The following ACOX3 variants were observed in gnomAD, a reference collection of about 807,000 sequenced individuals.
The protein encoded by ACOX3 is acyl-CoA oxidase 3, pristanoyl.
In ACOX3, 73 loss-of-function variants were observed where a neutral mutation model predicts 81.5. That is an observed-to-expected ratio of 0.90 (90% confidence interval 0.74 to 1.09). The LOEUF (loss-of-function observed/expected upper bound fraction) is 1.09, where lower values mean the gene tolerates loss of function less well. Among genes scored for constraint, ACOX3 ranks in the 50% least tolerant of loss-of-function variants. The pLI is 0.00. For synonymous variants in ACOX3, 387 were observed against 375.1 expected (o/e 1.03, Z -0.37); for missense variants, 947 against 928.0 (o/e 1.02, Z -0.27).
chr4:8,398,951 C>T (rs1309047981), intron 8 of ACOX3, among the ~76,000 whole-genome samples: 2 of 152,154 alleles, frequency 1.3e-5, no homozygotes, highest in Admixed American at 6.5e-5. Flanking sequence ...TGTTGCTGTT[C>T]CCACTCTGCG....
At position 8,394,836 on chromosome 4, in the gene ACOX3, G is replaced by T. The variant is rs142055526; in HGVS notation, c.1057-94C>A. 4 of 1,483,476 alleles carry T rather than the reference G, an allele frequency of 2.7e-6. No individual in the cohort carries two copies. Among genetic ancestry groups the T allele is most frequent in the Non-Finnish European group, 3.6e-6 (4 of 1,106,746 alleles). 91.9% of individuals were successfully genotyped at this position (1,483,476 alleles called of 1,614,324 possible). ...ATGAAAGCCAGTGCAGGGAGAGGCC[G>T]TCAGGGCCACACACCCACTAGCGCT... On this transcript the variant is annotated intron_variant, in intron 9 of 17. Transcript: ENST00000356406. The surrounding 1 kb of genome is among the most constrained non-coding windows in gnomAD (Gnocchi z 5.9).
rs1722247048 is a variant in ACOX3 at position 8,415,659 on chromosome 4, G to A, written c.378+107C>T. Reference sequence around the variant, plus strand: ...ATTTTTAAAATTTGCAAATATAGCTGGACAAACTGGTGTTTCTCTGCCTCT... The same window carrying A: ...ATTTTTAAAATTTGCAAATATAGCTAGACAAACTGGTGTTTCTCTGCCTCT... On this transcript the variant is annotated intron_variant, in intron 3 of 17. Transcript: ENST00000356406. 5.4e-6 allele frequency: 5 copies of A among 930,684 alleles called. No homozygotes were observed. In the South Asian group the frequency reaches 8.3e-5, roughly 15 times the overall value. 57.7% of individuals were successfully genotyped at this position (930,684 alleles called of 1,614,324 possible).
intron 9 of ACOX3, among the ~76,000 whole-genome samples, chr4:8,395,369 C>T (rs1265095596): frequency 1.6e-5 from 1 of 64,026 alleles, no homozygotes; most frequent in Admixed American, 2.1e-4. Context: ...GATGCGTGGA[C>T]AGGTGGGGGG....
At chr4:8,374,887 G>C in intron 15 of ACOX3, 91 bp downstream of exon 15, 1 of 1,363,412 alleles carries the variant, frequency 7.3e-7, no homozygotes, top group African/African-American at 1.5e-5. Flanking sequence ...TCCCGTGGAA[G>C]GAGGACGATG....
intron 7 of ACOX3, among the ~76,000 whole-genome samples, chr4:8,402,521 T>C (rs1389267003): frequency 1.3e-5 from 2 of 152,056 alleles, no homozygotes; most frequent in Non-Finnish European, 2.9e-5. Flanking sequence ...TTTTAAGGAG[T>C]GGAAATTATT....
At chr4:8,409,838 T>G (rs913966226) in intron 6 of ACOX3, among the ~76,000 whole-genome samples, 9 of 150,942 alleles carry the variant, frequency 6.0e-5, no homozygotes, top group African/African-American at 2.2e-4. Flanking sequence ...GTCTGCACTG[T>G]GGGCAGAGCT....
chr4:8,373,693 T>G (rs892516255), intron 15 of ACOX3, 65 bp from the exon 16 acceptor site: 43 of 1,471,674 alleles, frequency 2.9e-5, no homozygotes, highest in Non-Finnish European at 3.9e-5. Context: ...AATACCAACA[T>G]GCCCTGAGTG....
intron 13 of ACOX3, among the ~76,000 whole-genome samples, chr4:8,383,097 G>A (rs1717900404): frequency 6.6e-6 from 1 of 152,172 alleles, no homozygotes; most frequent in Non-Finnish European, 1.5e-5. Context: ...GCATAACTGA[G>A]AAGCCCGTCA....
At chr4:8,436,899 G>A (rs1724271079) in intron 1 of ACOX3, among the ~76,000 whole-genome samples, 1 of 148,486 alleles carries the variant, frequency 6.7e-6, no homozygotes, top group African/African-American at 2.5e-5. Context: ...GGCTGAGGCA[G>A]GAGAATTGTG....
intron 11 of ACOX3, among the ~76,000 whole-genome samples, chr4:8,391,544 G>A (rs1719000658): frequency 6.6e-6 from 1 of 152,208 alleles, no homozygotes; most frequent in African/African-American, 2.4e-5. Context: ...AAGTTTTGCA[G>A]GTAAGCTGTA....
At chr4:8,434,559 T>C (rs2688243) in intron 1 of ACOX3, among the ~76,000 whole-genome samples, 108,095 of 152,188 alleles carry the variant, frequency 0.71, 39,234 homozygotes, top group African/African-American at 0.86. Flanking sequence ...CTCGTCAGAG[T>C]GGTGCATGGC....
At position 8,389,618 on chromosome 4, in the gene ACOX3, C is replaced by G. The variant is rs1718721678; in HGVS notation, c.1417G>C (p.Val473Leu). 1.9e-6 allele frequency: 3 copies of G among 1,613,776 alleles called. No individual in the cohort carries two copies. The highest frequency in any genetic ancestry group is 8.5e-7 in the Non-Finnish European group (1 of 1,180,026). The change falls in exon 12 of 18, where the codon GTC becomes CTC. Residue 473 changes from valine to leucine, a missense_variant. Val to Leu is a conservative substitution (Grantham distance 32, BLOSUM62 1). Coordinates refer to ENST00000356406, the MANE Select transcript of ACOX3 (RefSeq NM_003501.3). The surrounding 1 kb of genome is among the most constrained non-coding windows in gnomAD (Gnocchi z 5.3). Reference sequence around the variant, plus strand: ...GTGTGCAGCAGAGCCTCACCGTGGACCTGGTGTGCCAGGAGACCCAGCAAA... The same window carrying G: ...GTGTGCAGCAGAGCCTCACCGTGGAGCTGGTGTGCCAGGAGACCCAGCAAA... ...NYLLGLLAHQ[V>L]HDGACFRSPL...
rs1420690018 is a variant in ACOX3 at position 8,416,184 on chromosome 4, A to T, written c.145-185T>A. 6.6e-6 allele frequency among the ~76,000 whole-genome samples: 1 copy of T among 152,140 alleles called. No individual in the cohort carries two copies. Among genetic ancestry groups the T allele is most frequent in the Non-Finnish European group, 1.5e-5 (1 of 68,010 alleles). ...ACTGGAGGCTTAAGAAACATCAACA[A>T]TCCGTGTTCATTTCCAGACTCCTCA... On this transcript the variant is annotated intron_variant, in intron 2 of 17. Coordinates refer to ENST00000356406, the MANE Select transcript of ACOX3 (RefSeq NM_003501.3). This position sits in a 1 kb window ranked among gnomAD's most constrained non-coding sequence, Gnocchi z 4.2.
At chr4:8,356,992 A>G in the ACOX3 span, 4 of 454,868 alleles carry the variant, frequency 8.8e-6, no homozygotes, top group Non-Finnish European at 1.3e-5. Context: ...CTGGCAGATG[A>G]GGGGAAGGAA....
chr4:8,389,610 A>G lies in ACOX3; in HGVS notation c.1423+2T>C. On this transcript the variant is annotated splice_donor_variant, in intron 12 of 17. Transcript: ENST00000356406. LOFTEE classifies it high-confidence loss of function. The surrounding 1 kb of genome is among the most constrained non-coding windows in gnomAD (Gnocchi z 5.3). ...CCCCACCAGTGTGCAGCAGAGCCTC[A>G]CCGTGGACCTGGTGTGCCAGGAGAC... The G allele has an allele frequency of 6.2e-7, 1 of 1,613,696 alleles. No homozygotes were observed. The highest frequency in any genetic ancestry group is 8.5e-7 in the Non-Finnish European group (1 of 1,179,992).
intron 1 of ACOX3, among the ~76,000 whole-genome samples, chr4:8,435,670 C>CA (rs1724197454): frequency 6.6e-6 from 1 of 152,052 alleles, no homozygotes; most frequent in Non-Finnish European, 1.5e-5. Context: ...ATAATATAGA[C>CA]AAAAACCAGC....
At position 8,414,813 on chromosome 4, in the gene ACOX3, A is replaced by G; in HGVS notation, c.453+41T>C. ...TCACAAATCTCTACAGAGATCAAGCAAGAGAACCAGGCTCACAATTTACCA... is the reference window on the plus strand; with the variant it reads ...TCACAAATCTCTACAGAGATCAAGCGAGAGAACCAGGCTCACAATTTACCA... On this transcript the variant is annotated intron_variant, in intron 4 of 17. Transcript: ENST00000356406. This position sits in a 1 kb window ranked among gnomAD's most constrained non-coding sequence, Gnocchi z 6.1. 1 of 1,586,682 alleles carries G rather than the reference A, an allele frequency of 6.3e-7. No individual in the cohort carries two copies. The highest frequency in any genetic ancestry group is 8.7e-7 in the Non-Finnish European group (1 of 1,154,926).
At chr4:8,398,903 G>A (rs926738881) in intron 8 of ACOX3, among the ~76,000 whole-genome samples, 3 of 152,188 alleles carry the variant, frequency 2.0e-5, no homozygotes, top group African/African-American at 7.2e-5. Flanking sequence ...AATTGATGTT[G>A]GATTAACATC....
chr4:8,403,469 T>TTCAAAGGCTCAGGGA (rs1033158133), intron 7 of ACOX3, among the ~76,000 whole-genome samples: 1 of 152,140 alleles, frequency 6.6e-6, no homozygotes, highest in Non-Finnish European at 1.5e-5. Flanking sequence ...AACCTAGGCC[T>TTCAAAGGCTCAGGGA]TCAAAGGCTC....
Sources: allele counts gnomAD v4.1 joint callset (sites outside exome capture counted in the v4.1 genomes callset), GRCh38; gene constraint gnomAD v4.1.1; non-coding constraint Gnocchi (gnomAD v3.1); transcripts MANE v1.5; gene names NCBI Gene and HGNC (gene_info 2026-07-23, HGNC 2026-07-21).